The following KIAA1958 variants were observed in gnomAD, a reference collection of about 807,000 sequenced individuals.
KIAA1958 encodes the protein KIAA1958, also known as uncharacterized protein KIAA1958.
KIAA1958 carries 14 observed loss-of-function variants against 47.2 expected under a neutral mutation model. That is an observed-to-expected ratio of 0.30 (90% CI 0.20 to 0.46). The LOEUF (loss-of-function observed/expected upper bound fraction) is 0.46, where lower values mean the gene tolerates loss of function less well. Among genes scored for constraint, KIAA1958 ranks in the 20% least tolerant of loss-of-function variants. The pLI is 1.00. For synonymous variants in KIAA1958, 354 were observed against 353.3 expected (o/e 1.00, Z -0.02); for missense variants, 803 against 909.2 (o/e 0.88, Z 1.50).
chr9:112,504,678 A>G (rs1177010080), intron 1 of KIAA1958, among the ~76,000 whole-genome samples: 1 of 152,186 alleles, frequency 6.6e-6, no homozygotes. Flanking sequence ...TTATGACAAG[A>G]AAATCTTTGA....
At chr9:112,657,010 A>G (rs1366094938) in intron 3 of KIAA1958, among the ~76,000 whole-genome samples, 1 of 152,136 alleles carries the variant, frequency 6.6e-6, no homozygotes, top group Non-Finnish European at 1.5e-5. Context: ...AAGTTTGTCA[A>G]CTTTATAGGT....
chr9:112,513,097 T>G (rs1484732761), intron 1 of KIAA1958, among the ~76,000 whole-genome samples: 1 of 143,430 alleles, frequency 7.0e-6, no homozygotes, highest in Admixed American at 6.9e-5. Context: ...CTCTGCCTCC[T>G]GGGTTTAAGC....
intron 2 of KIAA1958, among the ~76,000 whole-genome samples, chr9:112,600,445 AAGT>A (rs1258576102): frequency 3.3e-5 from 5 of 152,190 alleles, no homozygotes; most frequent in African/African-American, 9.7e-5. Flanking sequence ...AATTTTTAAA[AAGT>A]AGCATTCTTA....
chr9:112,524,469 C>T (rs1834606963), intron 1 of KIAA1958, among the ~76,000 whole-genome samples: 1 of 152,208 alleles, frequency 6.6e-6, no homozygotes, highest in South Asian at 2.1e-4. Flanking sequence ...TAGTAAAATA[C>T]ATATAACATA....
chr9:112,525,986 TC>T (rs1834639804), intron 1 of KIAA1958, among the ~76,000 whole-genome samples: 2 of 2,668 alleles, frequency 7.5e-4, no homozygotes, highest in Non-Finnish European at 1.2e-3. Flanking sequence ...TTCTTCTTCT[TC>T]TTCTTCTTCT....
chr9:112,584,423 A>G (rs1268468728), intron 2 of KIAA1958, among the ~76,000 whole-genome samples: 1 of 152,218 alleles, frequency 6.6e-6, no homozygotes, highest in Non-Finnish European at 1.5e-5. Context: ...CATAAATAAA[A>G]TTGATTGTGG....
rs146791031 is a variant in KIAA1958, at chr9:112,531,152, G to A, written c.-24-42905G>A. Among the ~76,000 whole-genome samples, 505 of 152,298 alleles carry A rather than the reference G, an allele frequency of 3.3e-3. 3 individuals are homozygous for A. Among genetic ancestry groups the A allele is most frequent in the African/African-American group, 0.011 (477 of 41,564 alleles). The stretch of plus-strand genomic sequence containing the variant: ...GCCTGTAATCCCAGGACTTTGGGAG[G>A]CCGAGGCAGGCGTATCACCTGAGGT... On this transcript the variant is annotated intron_variant, in intron 1 of 3. Transcript: ENST00000337530.
intron 2 of KIAA1958, among the ~76,000 whole-genome samples, chr9:112,611,194 G>C (rs1189419676): frequency 6.6e-6 from 1 of 151,986 alleles, no homozygotes; most frequent in Non-Finnish European, 1.5e-5. Flanking sequence ...ACCTATCACT[G>C]TTTTTTAACA....
chr9:112,531,415 G>A (rs2132811508), intron 1 of KIAA1958, among the ~76,000 whole-genome samples: 1 of 152,118 alleles, frequency 6.6e-6, no homozygotes, highest in Middle Eastern at 3.4e-3. Flanking sequence ...ATAAATAAAA[G>A]GAAACCAACT....
At chr9:112,598,904 A>T (rs1836081261) in intron 2 of KIAA1958, among the ~76,000 whole-genome samples, 1 of 152,010 alleles carries the variant, frequency 6.6e-6, no homozygotes. Context: ...TAACATAACA[A>T]GACCCCATCT....
At chr9:112,555,929 G>A (rs1005876045) in intron 1 of KIAA1958, among the ~76,000 whole-genome samples, 15 of 152,102 alleles carry the variant, frequency 9.9e-5, no homozygotes, top group Admixed American at 9.2e-4. Flanking sequence ...ACAAAAATTA[G>A]CTGGTCCTGG....
At chr9:112,510,233 T>C (rs1235611374) in intron 1 of KIAA1958, among the ~76,000 whole-genome samples, 1 of 152,222 alleles carries the variant, frequency 6.6e-6, no homozygotes, top group Non-Finnish European at 1.5e-5. Context: ...CAAAAAGGCC[T>C]GGATGGTAAT....
At chr9:112,496,628 A>T (rs548045397) in intron 1 of KIAA1958, among the ~76,000 whole-genome samples, 1 of 152,246 alleles carries the variant, frequency 6.6e-6, no homozygotes, top group East Asian at 1.9e-4. Context: ...GTTCTCTGAG[A>T]TTAACCTCCT....
chr9:112,659,296 A>G lies in KIAA1958; in HGVS notation c.1378A>G (p.Asn460Asp). Residue 460 changes from asparagine to aspartate, a missense_variant, in exon 4 of 4, where the codon AAC becomes GAC. By Grantham distance (23) the Asn-to-Asp change is conservative (BLOSUM62 1). Coordinates refer to ENST00000337530, the MANE Select transcript of KIAA1958 (RefSeq NM_133465.4). ...AGTGAAGTTGAACGAGCTGCTCGAGAACTTTTATGTCACCGTCAAGAAGAG... is the reference window on the plus strand; with the variant it reads ...AGTGAAGTTGAACGAGCTGCTCGAGGACTTTTATGTCACCGTCAAGAAGAG... ...PAVKLNELLE[N>D]FYVTVKKSDG... 1 of 1,613,492 alleles carries G rather than the reference A, an allele frequency of 6.2e-7. No individual in the cohort carries two copies. The highest frequency in any genetic ancestry group is 8.5e-7 in the Non-Finnish European group (1 of 1,179,698).
At chr9:112,532,558 GT>G (rs1472075754) in intron 1 of KIAA1958, among the ~76,000 whole-genome samples, 1 of 152,206 alleles carries the variant, frequency 6.6e-6, no homozygotes, top group Non-Finnish European at 1.5e-5. Flanking sequence ...GAGGGAGACT[GT>G]TGTAATAGAA....
At chr9:112,600,844 A>G (rs1005889968) in intron 2 of KIAA1958, among the ~76,000 whole-genome samples, 2 of 152,244 alleles carry the variant, frequency 1.3e-5, no homozygotes, top group South Asian at 2.1e-4. Context: ...GAGTTGAACT[A>G]GATGACTTAT....
chr9:112,538,369 A>T (rs1184046687), intron 1 of KIAA1958, among the ~76,000 whole-genome samples: 2 of 151,904 alleles, frequency 1.3e-5, no homozygotes, highest in Non-Finnish European at 2.9e-5. Context: ...AGAAAGAAAG[A>T]AAAAAAAGAT....
At chr9:112,556,992 T>C (rs1835253291) in intron 1 of KIAA1958, among the ~76,000 whole-genome samples, 1 of 152,142 alleles carries the variant, frequency 6.6e-6, no homozygotes, top group Non-Finnish European at 1.5e-5. Flanking sequence ...TGTTTTGTTT[T>C]TGTTTTTGTT....
Position 112,615,900 on chromosome 9 carries a change from GTT to G in KIAA1958, c.1172-29746_1172-29745del, listed in dbSNP as rs1836401878. 3.3e-5 allele frequency among the ~76,000 whole-genome samples: 5 copies of G among 152,308 alleles called. No homozygotes were observed. The South Asian group carries it at 1.0e-3, about 32-fold the overall frequency. On this transcript the variant is annotated intron_variant, in intron 2 of 3. Coordinates refer to ENST00000337530, the MANE Select transcript of KIAA1958 (RefSeq NM_133465.4). The stretch of plus-strand genomic sequence containing the variant: ...CTCAGTTTACATCTCAGACAAGAAA[GTT>G]TTTAAAAGATCCCATGTGAAAGTTG...
Sources: gnomAD v4.1 joint callset for allele counts (sites outside exome capture counted in the v4.1 genomes callset) on GRCh38, gnomAD v4.1.1 for gene constraint, MANE v1.5 for transcripts, NCBI Gene and HGNC (gene_info 2026-07-23, HGNC 2026-07-21) for gene names.